TCF19: variants seen among roughly 807,000 people sequenced by gnomAD.
TCF19 encodes transcription factor 19.
In TCF19, 9 loss-of-function variants were observed where a neutral mutation model predicts 18.3. The ratio of observed to expected loss-of-function variants is 0.49; its 90% CI spans 0.30 to 0.86. TCF19 has a LOEUF of 0.86. Among genes scored for constraint, TCF19 ranks in the 40% least tolerant of loss-of-function variants. The pLI is 0.07. For synonymous variants in TCF19, 176 were observed against 185.3 expected (o/e 0.95, Z 0.41); for missense variants, 376 against 464.3 (o/e 0.81, Z 1.75).
chr6:31,162,010 G>C lies in TCF19; in HGVS notation c.797+5G>C, dbSNP rs1776820111. 6.3e-7 allele frequency: 1 copy of C among 1,599,896 alleles called. No homozygotes were observed. Among genetic ancestry groups the C allele is most frequent in the African/African-American group, 1.3e-5 (1 of 74,632 alleles). ...AGCCCCACTGACTCCCACTGGGTAA[G>C]TGGAGTCCTCACTTGGCCCTCTCAG... is the stretch of plus-strand genomic sequence containing the variant. On this transcript the variant is annotated splice_donor_5th_base_variant and intron_variant, in intron 3 of 3. Transcript: ENST00000376257. This position sits in a 1 kb window ranked among gnomAD's most constrained non-coding sequence, Gnocchi z 4.5.
chr6:31,162,099 A>T lies in TCF19; in HGVS notation c.797+94A>T. On this transcript the variant is annotated intron_variant, in intron 3 of 3. Transcript: ENST00000376257. The surrounding 1 kb of genome is among the most constrained non-coding windows in gnomAD (Gnocchi z 4.5). ...TGAGGAGGTCCCCCTGCCTGGGGGGATGGGCACGGGAGGTGGAATAGATGG... is the reference window on the plus strand; with the variant it reads ...TGAGGAGGTCCCCCTGCCTGGGGGGTTGGGCACGGGAGGTGGAATAGATGG... 1 of 1,359,322 alleles carries T rather than the reference A, an allele frequency of 7.4e-7. No homozygotes were observed. Among genetic ancestry groups the T allele is most frequent in the Non-Finnish European group, 9.9e-7 (1 of 1,011,840 alleles). The allele number at this position is 1,359,322 out of a possible 1,614,324, so 84.2% of individuals were successfully genotyped here.
rs573287516 is a variant in TCF19, at chr6:31,163,535, G to A, written c.*818G>A. 5 of 985,340 alleles carry A rather than the reference G, an allele frequency of 5.1e-6. No homozygotes were observed. The African/African-American group carries it at 7.0e-5, about 14-fold the overall frequency. 61.0% of individuals were successfully genotyped at this position (985,340 alleles called of 1,614,324 possible). On this transcript the variant is annotated 3_prime_UTR_variant, in exon 4 of 4. Coordinates refer to ENST00000376257, the MANE Select transcript of TCF19 (RefSeq NM_007109.3). ...TTTATTTACAGGCTTCACCTGTACT[G>A]TCAGGGCAAGAGAAAGCCTGGTAAA... is the stretch of plus-strand genomic sequence containing the variant.
chr6:31,161,928 T>C lies in TCF19; in HGVS notation c.720T>C (p.Pro240=). The C allele has an allele frequency of 6.2e-7, 1 of 1,612,946 alleles. No individual in the cohort carries two copies. The highest frequency in any genetic ancestry group is 8.5e-7 in the Non-Finnish European group (1 of 1,179,994). ...VLAELDDESE[P]PENPPPVLME... is the part of the protein sequence containing the mutation. ...CGGAACTGGATGATGAGAGTGAGCC[T>C]CCTGAGAACCCGCCACCGGTCCTTA... The change falls in exon 3 of 4, where the codon CCT becomes CCC. Residue 240 remains proline (P), a synonymous_variant. Transcript: ENST00000376257.
chr6:31,159,903 C>A (rs912990468), intron 2 of TCF19, among the ~76,000 whole-genome samples, 196 bp downstream of exon 2: 12 of 152,162 alleles, frequency 7.9e-5, no homozygotes, highest in Admixed American at 7.2e-4. Flanking sequence ...CCTTTTTGGT[C>A]CCGTTTAGCT....
At position 31,159,102 on chromosome 6, in the gene TCF19, C is replaced by T. The variant is rs1776547284; in HGVS notation, c.-368C>T. ...CCTCCTTCCCCGCGCCCCGCCACCCCGACACACACAGGAGCTGCCTAAAGT... is the reference window on the plus strand; with the variant it reads ...CCTCCTTCCCCGCGCCCCGCCACCCTGACACACACAGGAGCTGCCTAAAGT... On this transcript the variant is annotated 5_prime_UTR_variant, in exon 2 of 4. Transcript: ENST00000376257. 1 of 295,296 alleles carries T rather than the reference C, an allele frequency of 3.4e-6. No homozygotes were observed. The highest frequency in any genetic ancestry group is 6.3e-6 in the Non-Finnish European group (1 of 158,248). 18.3% of individuals were successfully genotyped at this position (295,296 alleles called of 1,614,324 possible).
Position 31,162,027 on chromosome 6 carries a change from C to A in TCF19, c.797+22C>A. 1 of 1,580,990 alleles carries A rather than the reference C, an allele frequency of 6.3e-7. No homozygotes were observed. On this transcript the variant is annotated intron_variant, in intron 3 of 3. Transcript: ENST00000376257. The surrounding 1 kb of genome is among the most constrained non-coding windows in gnomAD (Gnocchi z 4.5). ...CTGGGTAAGTGGAGTCCTCACTTGG[C>A]CCTCTCAGTGTTTTACTGCTTTTCG...
At chr6:31,160,087 G>A (rs1012535557) in intron 2 of TCF19, among the ~76,000 whole-genome samples, 2 of 152,146 alleles carry the variant, frequency 1.3e-5, no homozygotes, top group African/African-American at 2.4e-5. Context: ...GTCTTTCTCC[G>A]TGACTTGAGG....
rs753067896 is a variant in TCF19 at position 31,161,910 on chromosome 6, G to C, written c.702G>C (p.Leu234=). The stretch of plus-strand genomic sequence containing the variant: ...CTGTTCACCGAGTGTTGGCGGAACT[G>C]GATGATGAGAGTGAGCCTCCTGAGA... ...RKSVHRVLAE[L]DDESEPPENP... is the part of the protein sequence containing the mutation. The change falls in exon 3 of 4, where the codon CTG becomes CTC. Residue 234 remains leucine, a synonymous_variant. Coordinates refer to ENST00000376257, the MANE Select transcript of TCF19 (RefSeq NM_007109.3). The C allele has an allele frequency of 1.9e-6, 3 of 1,612,914 alleles. No individual in the cohort carries two copies. The highest frequency in any genetic ancestry group is 2.5e-6 in the Non-Finnish European group (3 of 1,180,024).
At position 31,159,513 on chromosome 6, in the gene TCF19, G is replaced by T. The variant is rs761182410; in HGVS notation, c.44G>T (p.Gly15Val). Residue 15 changes from glycine (G) to valine (V), a missense_variant, in exon 2 of 4, where the codon GGC (glycine) becomes GTC (valine). Coordinates refer to ENST00000376257, the MANE Select transcript of TCF19 (RefSeq NM_007109.3). ...FQLLRIGGGR[G>V]GDLYTFHPPA... ...CTGCTGCGCATAGGGGGCGGCAGGGGCGGTGATCTCTACACCTTCCACCCC... is the reference window on the plus strand; with the variant it reads ...CTGCTGCGCATAGGGGGCGGCAGGGTCGGTGATCTCTACACCTTCCACCCC... 2.5e-6 allele frequency: 4 copies of T among 1,595,830 alleles called. No homozygotes were observed. The highest frequency in any genetic ancestry group is 3.4e-6 in the Non-Finnish European group (4 of 1,171,826).
chr6:31,163,176 G>A lies in TCF19; in HGVS notation c.*459G>A, dbSNP rs181231806. The A allele has an allele frequency of 1.7e-4, 171 of 1,002,258 alleles. 1 individual carries two copies. The African/African-American group carries it at 1.7e-3, about 10-fold the overall frequency. The allele number at this position is 1,002,258 out of a possible 1,614,324, so 62.1% of individuals were successfully genotyped here. ...GGCTAGTCCTGCTGCCAACAAAATC[G>A]TAGCGACCTGGCTTTTCACAGCTTT... On this transcript the variant is annotated 3_prime_UTR_variant, in exon 4 of 4. Coordinates refer to ENST00000376257, the MANE Select transcript of TCF19 (RefSeq NM_007109.3).
chr6:31,162,081 G>T lies in TCF19; in HGVS notation c.797+76G>T. 1 of 1,471,388 alleles carries T rather than the reference G, an allele frequency of 6.8e-7. No individual in the cohort carries two copies. The allele number at this position is 1,471,388 out of a possible 1,614,324, so 91.1% of individuals were successfully genotyped here. ...CCTTGTATCCCTAGGCTGTGAGGAG[G>T]TCCCCCTGCCTGGGGGGATGGGCAC... On this transcript the variant is annotated intron_variant, in intron 3 of 3. Transcript: ENST00000376257. The surrounding 1 kb of genome is among the most constrained non-coding windows in gnomAD (Gnocchi z 4.5).
At chr6:31,160,886 G>C (rs902804807) in intron 2 of TCF19, among the ~76,000 whole-genome samples, 2 of 151,928 alleles carry the variant, frequency 1.3e-5, no homozygotes, top group African/African-American at 4.8e-5. Flanking sequence ...GGCGGGGCAC[G>C]GTGGCTCACG....
At position 31,163,589 on chromosome 6, in the gene TCF19, G is replaced by T. The variant is rs562306802; in HGVS notation, c.*872G>T. The T allele has an allele frequency of 5.1e-6, 5 of 985,476 alleles. No individual in the cohort carries two copies. The African/African-American group carries it at 8.7e-5, about 17-fold the overall frequency. The allele number at this position is 985,476 out of a possible 1,614,324, so 61.0% of individuals were successfully genotyped here. On this transcript the variant is annotated 3_prime_UTR_variant, in exon 4 of 4. Coordinates refer to ENST00000376257, the MANE Select transcript of TCF19 (RefSeq NM_007109.3). ...GCTACAGCAGTTTACCAGTGTGATG[G>T]CTGTGACACAGCTCCACTCCACGGG...
At chr6:31,160,095 AG>A (rs1385025627) in intron 2 of TCF19, among the ~76,000 whole-genome samples, 1 of 152,194 alleles carries the variant, frequency 6.6e-6, no homozygotes, top group African/African-American at 2.4e-5. Context: ...CCGTGACTTG[AG>A]GCAGTTAGCC....
Position 31,163,492 on chromosome 6 carries a change from C to T in TCF19, c.*775C>T. ...AAGGTAACTGGGATTTGGTTAAGTT[C>T]ACAAAGATAGCAGAAGATTTATTTA... On this transcript the variant is annotated 3_prime_UTR_variant, in exon 4 of 4. Coordinates refer to ENST00000376257, the MANE Select transcript of TCF19 (RefSeq NM_007109.3). 18 of 985,420 alleles carry T rather than the reference C, an allele frequency of 1.8e-5. No homozygotes were observed. Among genetic ancestry groups the T allele is most frequent in the Non-Finnish European group, 2.2e-5 (18 of 829,946 alleles). 61.0% of individuals were successfully genotyped at this position (985,420 alleles called of 1,614,324 possible). A position where few individuals can be genotyped will look rare whatever the true frequency, so the allele number is the denominator to read the frequency against.
intron 2 of TCF19, among the ~76,000 whole-genome samples, chr6:31,161,171 AAG>A (rs1776748301): frequency 6.8e-6 from 1 of 147,764 alleles, no homozygotes; most frequent in Non-Finnish European, 1.5e-5. Context: ...AAAAAAAAGA[AAG>A]AAAGAAAAAA....
rs1396498088 is a variant in TCF19, at chr6:31,162,128, G to A, written c.797+123G>A. 4.5e-6 allele frequency: 5 copies of A among 1,119,264 alleles called. No individual in the cohort carries two copies. In the Admixed American group the frequency reaches 8.7e-5, roughly 20 times the overall value. The allele number at this position is 1,119,264 out of a possible 1,614,324, so 69.3% of individuals were successfully genotyped here. ...GCACGGGAGGTGGAATAGATGGAAT[G>A]GCAAGACCTGGGTTAGCTCTGATAG... On this transcript the variant is annotated intron_variant, in intron 3 of 3. Coordinates refer to ENST00000376257, the MANE Select transcript of TCF19 (RefSeq NM_007109.3). This position sits in a 1 kb window ranked among gnomAD's most constrained non-coding sequence, Gnocchi z 4.5.
rs967838388 is a variant in TCF19 at position 31,163,458 on chromosome 6, C to T, written c.*741C>T. 8.1e-6 allele frequency: 8 copies of T among 985,302 alleles called. No homozygotes were observed. In the African/African-American group the frequency reaches 1.4e-4, roughly 17 times the overall value. 61.0% of individuals were successfully genotyped at this position (985,302 alleles called of 1,614,324 possible). On this transcript the variant is annotated 3_prime_UTR_variant, in exon 4 of 4. Coordinates refer to ENST00000376257, the MANE Select transcript of TCF19 (RefSeq NM_007109.3). ...GTTTAAGGGAAAACAGATCTATTGC[C>T]ATTTAAATAAGGTAACTGGGATTTG...
In TCF19 at chr6:31,163,179, G is replaced by A. The variant is rs901198490; in HGVS notation, c.*462G>A. ...TAGTCCTGCTGCCAACAAAATCGTA[G>A]CGACCTGGCTTTTCACAGCTTTGCT... On this transcript the variant is annotated 3_prime_UTR_variant, in exon 4 of 4. Coordinates refer to ENST00000376257, the MANE Select transcript of TCF19 (RefSeq NM_007109.3). The A allele has an allele frequency of 2.4e-5, 24 of 1,001,222 alleles. No individual in the cohort carries two copies. In the Admixed American group the frequency reaches 3.8e-4, roughly 16 times the overall value. 62.0% of individuals were successfully genotyped at this position (1,001,222 alleles called of 1,614,324 possible).
Sources: gnomAD v4.1 joint callset for allele counts (sites outside exome capture counted in the v4.1 genomes callset) on GRCh38, gnomAD v4.1.1 for gene constraint, Gnocchi (gnomAD v3.1) non-coding constraint, MANE v1.5 for transcripts, NCBI Gene and HGNC (gene_info 2026-07-23, HGNC 2026-07-21) for gene names.